Variants in WLS observed in about 807,000 individuals in gnomAD.
The protein encoded by WLS is protein wntless homolog.
WLS carries 23 observed loss-of-function variants against 62.8 expected under a neutral mutation model. The observed-to-expected ratio is 0.37, with a 90% confidence interval of 0.26 to 0.52. The LOEUF is 0.52. WLS is among the 20% of genes least tolerant of loss of function. WLS has a pLI of 0.92. For missense variants in WLS, 615 were observed against 697.3 expected (o/e 0.88, Z 1.33); for synonymous variants, 246 against 244.1 (o/e 1.01, Z -0.07).
intron 1 of WLS, among the ~76,000 whole-genome samples, chr1:68,195,657 G>C (rs1440446888): frequency 2.0e-5 from 3 of 151,958 alleles, no homozygotes; most frequent in Non-Finnish European, 2.9e-5. Context: ...ATCTAAATTT[G>C]TTTATGCACA....
At chr1:68,133,351 C>T (rs751848796) in intron 11 of WLS, among the ~76,000 whole-genome samples, 1 of 152,158 alleles carries the variant, frequency 6.6e-6, no homozygotes, top group African/African-American at 2.4e-5. Context: ...GCCACACTCC[C>T]GCAGCACCTA....
At chr1:68,177,393 T>C (rs1384620062) in intron 2 of WLS, among the ~76,000 whole-genome samples, 1 of 152,228 alleles carries the variant, frequency 6.6e-6, no homozygotes, top group African/African-American at 2.4e-5. Context: ...ATGAAAGGCC[T>C]GTGGCTAACA....
intron 2 of WLS, among the ~76,000 whole-genome samples, chr1:68,165,802 A>G (rs1444487114): frequency 2.0e-5 from 3 of 152,222 alleles, no homozygotes; most frequent in African/African-American, 7.2e-5. Flanking sequence ...CAAGTAACTC[A>G]TCATCAGAGG....
intron 11 of WLS, among the ~76,000 whole-genome samples, chr1:68,133,160 CGTGT>C (rs776630076): frequency 5.9e-5 from 9 of 151,902 alleles, no homozygotes; most frequent in South Asian, 2.1e-4. Context: ...TATATGTGCA[CGTGT>C]GTGTGTGTAC....
chr1:68,138,130 T>G (rs1049773189), intron 10 of WLS, 197 bp from the exon 11 acceptor site: 2 of 642,498 alleles, frequency 3.1e-6, no homozygotes, highest in Non-Finnish European at 5.2e-6. Context: ...TCTAGCTTTC[T>G]GTCAGGCACA....
chr1:68,193,444 G>GAAAAAAAAAAAA (rs111934768), intron 2 of WLS, among the ~76,000 whole-genome samples: 12 of 35,642 alleles, frequency 3.4e-4, no homozygotes, highest in African/African-American at 7.6e-4. Flanking sequence ...AAAAAAAAAC[G>GAAAAAAAAAAAA]AAAAAAAAAC....
intron 11 of WLS, among the ~76,000 whole-genome samples, chr1:68,115,741 A>G (rs1486720495): frequency 2.6e-5 from 4 of 151,334 alleles, no homozygotes; most frequent in Non-Finnish European, 4.4e-5. Flanking sequence ...TTCTGAAGGC[A>G]TTTTCAAATG....
chr1:68,163,963 C>A (rs1341941558), intron 2 of WLS, among the ~76,000 whole-genome samples: 1 of 152,160 alleles, frequency 6.6e-6, no homozygotes, highest in Non-Finnish European at 1.5e-5. Context: ...TGGCTTAAAG[C>A]TGACATGGCA....
At chr1:68,192,158 A>G (rs2100598472) in intron 2 of WLS, among the ~76,000 whole-genome samples, 1 of 152,338 alleles carries the variant, frequency 6.6e-6, no homozygotes, top group East Asian at 1.9e-4. Context: ...GGGCAAGAGA[A>G]TGAATGAATG....
chr1:68,116,805 CT>C (rs1210152492), intron 11 of WLS, among the ~76,000 whole-genome samples: 1 of 152,146 alleles, frequency 6.6e-6, no homozygotes, highest in Admixed American at 6.5e-5. Context: ...GATAAAAACT[CT>C]TTTGCAATGC....
chr1:68,231,708 A>T, intron 1 of WLS: 7 of 458,784 alleles, frequency 1.5e-5, no homozygotes, highest in Middle Eastern at 3.2e-4. Context: ...ACAACCGTGC[A>T]AGTATCTCAG....
At chr1:68,165,677 C>G (rs187754285) in intron 2 of WLS, among the ~76,000 whole-genome samples, 1 of 152,048 alleles carries the variant, frequency 6.6e-6, no homozygotes, top group African/African-American at 2.4e-5. Context: ...ATGGAGCCAG[C>G]GGTGGGGAGA....
intron 11 of WLS, among the ~76,000 whole-genome samples, chr1:68,128,401 C>A (rs1489014031): frequency 2.0e-5 from 3 of 152,168 alleles, no homozygotes; most frequent in Admixed American, 6.5e-5. Flanking sequence ...CTGGGCTAGC[C>A]ATCAGAACTT....
intron 11 of WLS, chr1:68,098,848 A>G: frequency 6.9e-7 from 1 of 1,456,542 alleles, no homozygotes; most frequent in Non-Finnish European, 9.1e-7. Flanking sequence ...TAACTATAAA[A>G]ATTTTTACCT....
Position 68,232,187 on chromosome 1 carries a change from C to T in WLS, c.106+7G>A. The T allele has an allele frequency of 6.2e-7, 1 of 1,614,112 alleles. No homozygotes were observed. Among genetic ancestry groups the T allele is most frequent in the East Asian group, 2.2e-5 (1 of 44,856 alleles). Reference sequence around the variant, plus strand: ...AGGGGGAAAAGTTTGCAGCTCTCCGCACTTACCAATCAAGCCTCCCACCAG... The same window carrying T: ...AGGGGGAAAAGTTTGCAGCTCTCCGTACTTACCAATCAAGCCTCCCACCAG... On this transcript the variant is annotated splice_region_variant and intron_variant, in intron 1 of 11. Coordinates refer to ENST00000262348, the MANE Select transcript of WLS (RefSeq NM_024911.7).
chr1:68,130,892 T>C (rs1009738154), intron 11 of WLS, among the ~76,000 whole-genome samples: 5 of 139,766 alleles, frequency 3.6e-5, no homozygotes, highest in African/African-American at 5.4e-5. Flanking sequence ...TCTTCTTCTT[T>C]TTTTTTTTTT....
intron 2 of WLS, among the ~76,000 whole-genome samples, chr1:68,165,823 C>T (rs956633183): frequency 1.3e-5 from 2 of 152,186 alleles, no homozygotes; most frequent in South Asian, 4.1e-4. Flanking sequence ...ATGCAACGTA[C>T]TTGGCTTAAC....
intron 2 of WLS, chr1:68,162,249 T>C: frequency 6.4e-7 from 1 of 1,554,154 alleles, no homozygotes; most frequent in Non-Finnish European, 8.9e-7. Flanking sequence ...GAGCTTGTGC[T>C]AAGGCTTTCT....
intron 1 of WLS, chr1:68,202,479 T>C (rs1413985307): frequency 2.0e-5 from 3 of 152,186 alleles, no homozygotes; most frequent in Non-Finnish European, 4.4e-5. Flanking sequence ...TACGAATTTC[T>C]CTATCCCTGA....
Sources: gnomAD v4.1 joint callset for allele counts (sites outside exome capture counted in the v4.1 genomes callset) on GRCh38, gnomAD v4.1.1 for gene constraint, MANE v1.5 for transcripts, NCBI Gene and HGNC (gene_info 2026-07-23, HGNC 2026-07-21) for gene names.